The following TMPRSS11F variants were observed in gnomAD, a reference collection of about 807,000 sequenced individuals.
The protein encoded by TMPRSS11F is transmembrane serine protease 11F, also known as transmembrane protease serine 11F.
TMPRSS11F carries 47 observed loss-of-function variants against 60.2 expected under a neutral mutation model. The ratio of observed to expected loss-of-function variants is 0.78; its 90% CI spans 0.62 to 1.00. TMPRSS11F has a LOEUF of 1.00. TMPRSS11F is among the 50% of genes least tolerant of loss of function. TMPRSS11F has a pLI of 0.00. For synonymous variants in TMPRSS11F, 166 were observed against 167.3 expected (o/e 0.99, Z 0.06); for missense variants, 519 against 522.9 (o/e 0.99, Z 0.07).
intron 3 of TMPRSS11F, among the ~76,000 whole-genome samples, chr4:68,083,966 CA>C (rs1723757742): frequency 6.6e-6 from 1 of 152,124 alleles, no homozygotes; most frequent in Non-Finnish European, 1.5e-5. Context: ...ATGACATAGC[CA>C]CTTTAAGAAA....
chr4:68,104,188 C>A (rs111361029), intron 1 of TMPRSS11F, among the ~76,000 whole-genome samples: 10 of 152,138 alleles, frequency 6.6e-5, no homozygotes, highest in Non-Finnish European at 1.3e-4. Context: ...ACAGAAGTGG[C>A]AAGAGTGGGC....
rs73823607 is a variant in TMPRSS11F at position 68,109,439 on chromosome 4, T to C, written c.12-10401A>G. 9.0e-3 allele frequency among the ~76,000 whole-genome samples: 1,369 copies of C among 152,232 alleles called. 27 individuals carry two copies. The highest frequency in any genetic ancestry group is 0.031 in the African/African-American group (1,299 of 41,538). On this transcript the variant is annotated intron_variant, in intron 1 of 9. Coordinates refer to ENST00000356291, the MANE Select transcript of TMPRSS11F (RefSeq NM_207407.2). The stretch of plus-strand genomic sequence containing the variant: ...CATATCTTTTATAAATTAAGAAATA[T>C]GAATAGGAATTATACACCAGGTGGA...
At chr4:68,113,607 A>G (rs543636167) in intron 1 of TMPRSS11F, among the ~76,000 whole-genome samples, 1 of 152,320 alleles carries the variant, frequency 6.6e-6, no homozygotes, top group African/African-American at 2.4e-5. Flanking sequence ...GTAAATGTGT[A>G]TGCAACTAAC....
At chr4:68,078,556 A>G (rs529532995) in intron 3 of TMPRSS11F, among the ~76,000 whole-genome samples, 2 of 152,356 alleles carry the variant, frequency 1.3e-5, no homozygotes, top group Admixed American at 1.3e-4. Context: ...TGTCTGGCCC[A>G]CAGTAAACAC....
chr4:68,125,662 T>C (rs1724700945), intron 1 of TMPRSS11F, among the ~76,000 whole-genome samples: 1 of 152,172 alleles, frequency 6.6e-6, no homozygotes, highest in African/African-American at 2.4e-5. Flanking sequence ...ATTCATTCAC[T>C]ACCCTAACAC....
At chr4:68,100,462 T>C (rs1207024816) in intron 1 of TMPRSS11F, among the ~76,000 whole-genome samples, 1 of 152,142 alleles carries the variant, frequency 6.6e-6, no homozygotes, top group African/African-American at 2.4e-5. Flanking sequence ...TGTGAGGACC[T>C]GAACTGAGGC....
intron 2 of TMPRSS11F, among the ~76,000 whole-genome samples, chr4:68,096,119 T>TA (rs1308680751): frequency 1.4e-4 from 20 of 142,722 alleles, no homozygotes; most frequent in South Asian, 4.5e-4. Flanking sequence ...AGTCAATAAT[T>TA]TAAAAAAAAA....
chr4:68,068,895 G>C, intron 6 of TMPRSS11F, 76 bp from the exon 7 acceptor site: 1 of 1,482,272 alleles, frequency 6.7e-7, no homozygotes, highest in Non-Finnish European at 9.4e-7. Flanking sequence ...TTTGGTTATA[G>C]ACAATCCTTT....
intron 8 of TMPRSS11F, chr4:68,062,975 A>G: frequency 1.4e-6 from 1 of 713,714 alleles, no homozygotes. Context: ...CCCGTCTTCG[A>G]GAGACTGACA....
intron 2 of TMPRSS11F, among the ~76,000 whole-genome samples, chr4:68,097,762 A>G (rs1454383146): frequency 1.3e-5 from 2 of 151,876 alleles, no homozygotes; most frequent in Non-Finnish European, 2.9e-5. Flanking sequence ...AAACAAAACT[A>G]TTTCATTACC....
At chr4:68,062,124 C>A (rs1282336093) in intron 8 of TMPRSS11F, 3 of 447,162 alleles carry the variant, frequency 6.7e-6, no homozygotes, top group Non-Finnish European at 1.3e-5. Context: ...TTACAAACAC[C>A]AGGGACTGGC....
At chr4:68,064,483 G>A (rs931434848) in intron 8 of TMPRSS11F, among the ~76,000 whole-genome samples, 17 of 152,050 alleles carry the variant, frequency 1.1e-4, no homozygotes, top group African/African-American at 3.9e-4. Flanking sequence ...CACCACACCC[G>A]GCCACCACTG....
At chr4:68,094,697 C>A (rs929250199) in intron 2 of TMPRSS11F, among the ~76,000 whole-genome samples, 1 of 151,864 alleles carries the variant, frequency 6.6e-6, no homozygotes, top group African/African-American at 2.4e-5. Flanking sequence ...CCCTATAGAA[C>A]AGGAAGACAA....
At chr4:68,059,974 T>C (rs940738743) in intron 8 of TMPRSS11F, among the ~76,000 whole-genome samples, 2 of 152,142 alleles carry the variant, frequency 1.3e-5, no homozygotes, top group African/African-American at 4.8e-5. Flanking sequence ...CAATATGTGC[T>C]AGTGATCTGA....
chr4:68,071,746 C>T (rs1259453144), intron 5 of TMPRSS11F, among the ~76,000 whole-genome samples: 2 of 152,132 alleles, frequency 1.3e-5, no homozygotes, highest in Non-Finnish European at 2.9e-5. Context: ...AAGAACTTTC[C>T]TATTTCAATT....
rs576007335 is a variant in TMPRSS11F at position 68,105,099 on chromosome 4, T to A, written c.12-6061A>T. ...TGCAAGAGTTTGGGAAGTATTGGTA[T>A]CAATTCTTCTTTAAATATTTGGCAA... is the stretch of plus-strand genomic sequence containing the variant. On this transcript the variant is annotated intron_variant, in intron 1 of 9. Transcript: ENST00000356291. Among the ~76,000 whole-genome samples the A allele has an allele frequency of 3.8e-5, 5 of 133,030 alleles. No homozygotes were observed. In the East Asian group the frequency reaches 1.3e-3, roughly 33 times the overall value. 87.3% of individuals were successfully genotyped at this position (133,030 alleles called of 152,430 possible).
At chr4:68,058,927 AGAG>A (rs1488261546) in intron 9 of TMPRSS11F, among the ~76,000 whole-genome samples, 5 of 152,196 alleles carry the variant, frequency 3.3e-5, no homozygotes, top group African/African-American at 1.2e-4. Context: ...TCACTGGAGA[AGAG>A]GAGGTCTAGG....
rs978203596 is a variant in TMPRSS11F, at chr4:68,068,638, T to C, written c.735A>G (p.Thr245=). The C allele has an allele frequency of 4.3e-6, 7 of 1,614,044 alleles. No homozygotes were observed. The Admixed American group carries it at 8.3e-5, about 19-fold the overall frequency. Residue 245 remains threonine (T), a synonymous_variant, in exon 7 of 10, where the codon ACA becomes ACG. Transcript: ENST00000356291. ...ASLISNTWLL[T]AAHCFWKNKD... ...CTTACTTCCAAAAGCAGTGAGCTGCTGTGAGCAGCCATGTGTTACTGATGA... is the reference window on the plus strand; with the variant it reads ...CTTACTTCCAAAAGCAGTGAGCTGCCGTGAGCAGCCATGTGTTACTGATGA...
chr4:68,067,407 G>A (rs1723352937), intron 7 of TMPRSS11F, among the ~76,000 whole-genome samples: 1 of 152,166 alleles, frequency 6.6e-6, no homozygotes, highest in African/African-American at 2.4e-5. Flanking sequence ...GCCTGCACTG[G>A]ACCTGCTGAA....
Sources: allele counts gnomAD v4.1 joint callset (sites outside exome capture counted in the v4.1 genomes callset), GRCh38; gene constraint gnomAD v4.1.1; transcripts MANE v1.5; gene names NCBI Gene and HGNC (gene_info 2026-07-23, HGNC 2026-07-21).